The following PJA2 variants were observed in gnomAD, a reference collection of about 807,000 sequenced individuals.
PJA2 encodes the protein praja ring finger ubiquitin ligase 2, also known as E3 ubiquitin-protein ligase Praja-2.
In PJA2, 25 loss-of-function variants were observed where a neutral mutation model predicts 69.3. The ratio of observed to expected loss-of-function variants is 0.36; its 90% CI spans 0.26 to 0.50. PJA2 has a LOEUF of 0.50. Ranked by LOEUF, PJA2 falls within the 20% of genes least tolerant of loss-of-function variation. PJA2 has a pLI of 0.96. For missense variants in PJA2, 809 were observed against 830.2 expected, an observed-to-expected ratio of 0.97 and a Z score of 0.31; for synonymous variants, 308 against 277.8, an observed-to-expected ratio of 1.11 and a Z score of -1.08.
chr5:109,341,049 G>A (rs1463263556), intron 9 of PJA2, among the ~76,000 whole-genome samples: 1 of 146,070 alleles, frequency 6.8e-6, no homozygotes, highest in Admixed American at 6.9e-5. Flanking sequence ...TGCAGCCTCT[G>A]CCCGGCTGCC....
At chr5:109,394,086 T>C (rs867295371) in intron 1 of PJA2, among the ~76,000 whole-genome samples, 1 of 146,914 alleles carries the variant, frequency 6.8e-6, no homozygotes, top group South Asian at 2.2e-4. Context: ...CTTACTCTGT[T>C]GCCCAAGCTG....
At chr5:109,342,707 A>T (rs1268758461) in intron 9 of PJA2, among the ~76,000 whole-genome samples, 5 of 55,096 alleles carry the variant, frequency 9.1e-5, no homozygotes, top group African/African-American at 7.7e-5. Flanking sequence ...AGGTGGGGGG[A>T]GTCAGCCCCC....
At chr5:109,349,677 C>T (rs1387621698) in intron 7 of PJA2, among the ~76,000 whole-genome samples, 1 of 152,188 alleles carries the variant, frequency 6.6e-6, no homozygotes, top group Admixed American at 6.5e-5. Context: ...CCATTTCCAT[C>T]AAGGTGACCT....
rs1762286717 is a variant in PJA2, at chr5:109,353,010, ACC to A, written c.1764+2903_1764+2904del. Among the ~76,000 whole-genome samples the A allele has an allele frequency of 3.0e-5, 4 of 131,798 alleles. 1 individual carries two copies. The highest frequency in any genetic ancestry group is 8.7e-5 in the African/African-American group (3 of 34,580). The allele number at this position is 131,798 out of a possible 152,430, so 86.5% of individuals were successfully genotyped here. On this transcript the variant is annotated intron_variant, in intron 7 of 9. Coordinates refer to ENST00000361189, the MANE Select transcript of PJA2 (RefSeq NM_014819.5). ...ATCTATAGATATCTATATATTAGAT[ACC>A]TATATCTATAGATATCTATATATTA...
chr5:109,397,601 C>T (rs1181372247), intron 1 of PJA2, among the ~76,000 whole-genome samples: 1 of 152,058 alleles, frequency 6.6e-6, no homozygotes, highest in Non-Finnish European at 1.5e-5. Context: ...TCACTGCAAC[C>T]TCTGCCTCTC....
chr5:109,343,749 A>T (rs1171800409), intron 9 of PJA2, among the ~76,000 whole-genome samples: 3 of 152,234 alleles, frequency 2.0e-5, no homozygotes, highest in African/African-American at 7.2e-5. Context: ...CAGGTTTTTA[A>T]CAATGAATTA....
intron 7 of PJA2, among the ~76,000 whole-genome samples, chr5:109,345,957 T>C (rs1762167433): frequency 6.6e-6 from 1 of 152,192 alleles, no homozygotes; most frequent in Non-Finnish European, 1.5e-5. Context: ...GTTGAGACTT[T>C]TGTCTTTTTG....
At chr5:109,387,473 C>T (rs934387567) in intron 1 of PJA2, among the ~76,000 whole-genome samples, 6 of 152,144 alleles carry the variant, frequency 3.9e-5, no homozygotes, top group African/African-American at 1.4e-4. Flanking sequence ...ATAGACATTT[C>T]CTTTGCTGAT....
chr5:109,358,597 T>G (rs1423383819), intron 6 of PJA2, among the ~76,000 whole-genome samples: 2 of 152,106 alleles, frequency 1.3e-5, no homozygotes, highest in East Asian at 3.9e-4. Flanking sequence ...GGTGGGCGGA[T>G]CACTTTGAGC....
chr5:109,367,774 G>T (rs1762609469), intron 5 of PJA2, among the ~76,000 whole-genome samples: 1 of 152,150 alleles, frequency 6.6e-6, no homozygotes, highest in South Asian at 2.1e-4. Context: ...AGGAGCAAGG[G>T]AAGTTGAATA....
At chr5:109,353,369 CTAT>C (rs1475101162) in intron 7 of PJA2, among the ~76,000 whole-genome samples, 20 of 131,944 alleles carry the variant, frequency 1.5e-4, no homozygotes, top group Admixed American at 5.5e-4. Flanking sequence ...TATTAGATAC[CTAT>C]TATATCTATA....
intron 5 of PJA2, among the ~76,000 whole-genome samples, chr5:109,367,882 T>C (rs912805618): frequency 2.6e-5 from 4 of 152,174 alleles, no homozygotes; most frequent in Non-Finnish European, 5.9e-5. Context: ...TTTCATAAAA[T>C]TCAACAAACA....
chr5:109,354,014 AGATATCTAT>A (rs1762340768), intron 7 of PJA2, among the ~76,000 whole-genome samples: 1 of 144,330 alleles, frequency 6.9e-6, no homozygotes, highest in Non-Finnish European at 1.5e-5. Flanking sequence ...TCTATAGATT[AGATATCTAT>A]GATATCTAGA....
intron 1 of PJA2, among the ~76,000 whole-genome samples, chr5:109,389,598 C>T (rs964214766): frequency 3.3e-5 from 5 of 151,844 alleles, no homozygotes; most frequent in Non-Finnish European, 7.4e-5. Context: ...GACTGTAAAA[C>T]TTTCCTGTTT....
intron 1 of PJA2, chr5:109,390,519 T>C (rs1747259505): frequency 6.6e-6 from 1 of 152,048 alleles, no homozygotes; most frequent in African/African-American, 2.4e-5. Flanking sequence ...CTCACTTATA[T>C]ATAATGTCTG....
chr5:109,342,713 C>T (rs1481908287), intron 9 of PJA2, among the ~76,000 whole-genome samples: 3 of 134,592 alleles, frequency 2.2e-5, no homozygotes, highest in Non-Finnish European at 4.8e-5. Flanking sequence ...GGGGAGTCAG[C>T]CCCCCCGCCC....
At chr5:109,373,371 A>T (rs577822014) in intron 4 of PJA2, among the ~76,000 whole-genome samples, 1 of 152,274 alleles carries the variant, frequency 6.6e-6, no homozygotes, top group East Asian at 1.9e-4. Flanking sequence ...GAGAGGGGCT[A>T]CCTCTCTTCA....
At chr5:109,381,846 T>C (rs1350111892) in intron 2 of PJA2, 143 bp from the exon 3 acceptor site, 4 of 655,178 alleles carry the variant, frequency 6.1e-6, no homozygotes, top group Admixed American at 3.0e-5. Context: ...ACTAGTACTA[T>C]AAAACATTAT....
chr5:109,397,632 C>T (rs1294669619), intron 1 of PJA2, among the ~76,000 whole-genome samples: 11 of 152,086 alleles, frequency 7.2e-5, no homozygotes, highest in Admixed American at 5.9e-4. Context: ...AATTCTCCTG[C>T]CTCAGCCTCC....
Sources: gnomAD v4.1 joint callset for allele counts (sites outside exome capture counted in the v4.1 genomes callset) on GRCh38, gnomAD v4.1.1 for gene constraint, MANE v1.5 for transcripts, NCBI Gene and HGNC (gene_info 2026-07-23, HGNC 2026-07-21) for gene names.